Variants in BTBD1 observed in about 807,000 individuals in gnomAD.
The protein encoded by BTBD1 is BTB domain containing 1, also known as BTB/POZ domain-containing protein 1.
BTBD1 carries 34 observed loss-of-function variants against 48.0 expected under a neutral mutation model. The observed-to-expected ratio is 0.71, with a 90% confidence interval of 0.54 to 0.94. The LOEUF (loss-of-function observed/expected upper bound fraction) is 0.94. Ranked by LOEUF, BTBD1 falls within the 40% of genes least tolerant of loss-of-function variation. The pLI is 0.00. For synonymous variants in BTBD1, 261 were observed against 242.1 expected, an observed-to-expected ratio of 1.08 and a Z score of -0.72; for missense variants, 543 against 625.6, an observed-to-expected ratio of 0.87 and a Z score of 1.41.
intron 1 of BTBD1, 106 bp from the exon 2 acceptor site, chr15:83,056,651 G>T: frequency 1.0e-6 from 1 of 998,752 alleles, no homozygotes; most frequent in Non-Finnish European, 1.4e-6. Flanking sequence ...TTTATTTTAT[G>T]TTTTCATCCA....
chr15:83,065,213 G>C (rs1211487121), intron 1 of BTBD1, among the ~76,000 whole-genome samples: 2 of 152,192 alleles, frequency 1.3e-5, no homozygotes, highest in Non-Finnish European at 2.9e-5. Flanking sequence ...CTTACGTGTG[G>C]AAAGAAAATC....
intron 4 of BTBD1, among the ~76,000 whole-genome samples, chr15:83,036,069 A>T (rs1327964014): frequency 6.8e-6 from 1 of 146,842 alleles, no homozygotes; most frequent in Non-Finnish European, 1.5e-5. Flanking sequence ...AGTTCACTAT[A>T]TTCACAGAAT....
At chr15:83,044,815 T>C in intron 3 of BTBD1, 1 of 1,146,424 alleles carries the variant, frequency 8.7e-7, no homozygotes. Flanking sequence ...AATAGAATGA[T>C]CAAGCTCAGT....
chr15:83,043,325 G>A (rs192186695), intron 3 of BTBD1, among the ~76,000 whole-genome samples: 67 of 152,270 alleles, frequency 4.4e-4, no homozygotes, highest in African/African-American at 1.4e-3. Context: ...GGAGGCCAAC[G>A]TGGTGGAGTG....
At chr15:83,037,516 A>T (rs944689154) in intron 4 of BTBD1, among the ~76,000 whole-genome samples, 9 of 152,198 alleles carry the variant, frequency 5.9e-5, no homozygotes, top group African/African-American at 2.2e-4. Context: ...CCCTCAACAA[A>T]CTAGGCATCA....
intron 3 of BTBD1, among the ~76,000 whole-genome samples, chr15:83,047,166 T>C (rs867771099): frequency 3.9e-5 from 6 of 152,258 alleles, no homozygotes; most frequent in Middle Eastern, 3.4e-3. Flanking sequence ...TCAACATATA[T>C]ATACAGAGAC....
At chr15:83,064,943 C>T (rs1318814834) in intron 1 of BTBD1, among the ~76,000 whole-genome samples, 2 of 152,172 alleles carry the variant, frequency 1.3e-5, no homozygotes, top group African/African-American at 4.8e-5. Flanking sequence ...GTACTTTCAT[C>T]TCACTACTCC....
chr15:83,038,790 C>T (rs570439103), intron 4 of BTBD1, among the ~76,000 whole-genome samples: 1 of 152,184 alleles, frequency 6.6e-6, no homozygotes, highest in South Asian at 2.1e-4. Context: ...GGAAAGATCC[C>T]TCTATTCAGT....
intron 2 of BTBD1, among the ~76,000 whole-genome samples, chr15:83,054,654 C>T (rs1304737314): frequency 6.6e-6 from 1 of 151,612 alleles, no homozygotes; most frequent in African/African-American, 2.4e-5. Context: ...CTCTGCCTCC[C>T]GGGTTCAAGC....
At chr15:83,049,674 C>T (rs1368695321) in intron 3 of BTBD1, among the ~76,000 whole-genome samples, 1 of 151,722 alleles carries the variant, frequency 6.6e-6, no homozygotes, top group Admixed American at 6.6e-5. Context: ...TTTGCTGTAC[C>T]GACTATTTCA....
At position 83,016,679 on chromosome 15, in the gene BTBD1, G is replaced by A. The variant is rs1305449991; in HGVS notation, c.*1388C>T. 2.0e-5 allele frequency: 3 copies of A among 152,034 alleles called. No individual in the cohort carries two copies. Among genetic ancestry groups the A allele is most frequent in the Non-Finnish European group, 4.4e-5 (3 of 68,008 alleles). The allele number at this position is 152,034 out of a possible 1,614,324, so 9.4% of individuals were successfully genotyped here. A position where few individuals can be genotyped will look rare whatever the true frequency, so the allele number is the denominator to read the frequency against. On this transcript the variant is annotated 3_prime_UTR_variant, in exon 8 of 8. Coordinates refer to ENST00000261721, the MANE Select transcript of BTBD1 (RefSeq NM_025238.4). ...TTACTGGTTAATTTTTAGTTAACCA[G>A]AACCACACATCCCATAGATAATTCC...
At chr15:83,018,508 C>A (rs2032216541) in intron 7 of BTBD1, among the ~76,000 whole-genome samples, 199 bp downstream of exon 7, 1 of 152,240 alleles carries the variant, frequency 6.6e-6, no homozygotes, top group African/African-American at 2.4e-5. Context: ...AGGGCTACTT[C>A]TTAAGAAGAG....
intron 3 of BTBD1, among the ~76,000 whole-genome samples, chr15:83,048,133 G>A (rs1357694488): frequency 2.0e-5 from 3 of 152,168 alleles, no homozygotes; most frequent in Non-Finnish European, 4.4e-5. Flanking sequence ...GTAGAGCCAT[G>A]AGCACCTGCT....
rs113253261 is a variant in BTBD1 at position 83,051,877 on chromosome 15, T to TACACAC, written c.559-1705_559-1700dup. ...TTTATTAATTTTTTTTCCATATATA[T>TACACAC]ACACACACACACACACACACACACA... is the stretch of plus-strand genomic sequence containing the variant. On this transcript the variant is annotated intron_variant, in intron 2 of 7. Coordinates refer to ENST00000261721, the MANE Select transcript of BTBD1 (RefSeq NM_025238.4). Among the ~76,000 whole-genome samples, 75 of 138,892 alleles carry TACACAC rather than the reference T, an allele frequency of 5.4e-4. 1 individual carries two copies. In the East Asian group the frequency reaches 9.6e-3, roughly 18 times the overall value. The allele number at this position is 138,892 out of a possible 152,430, so 91.1% of individuals were successfully genotyped here.
Position 83,056,548 on chromosome 15 carries a change from G to T in BTBD1, c.402-3C>A. 1 of 1,612,376 alleles carries T rather than the reference G, an allele frequency of 6.2e-7. No homozygotes were observed. The highest frequency in any genetic ancestry group is 8.5e-7 in the Non-Finnish European group (1 of 1,178,946). On this transcript the variant is annotated splice_polypyrimidine_tract_variant and splice_region_variant and intron_variant, in intron 1 of 7. Transcript: ENST00000261721. Reference sequence around the variant, plus strand: ...GAACTTCATCTGAATATAGAAATCTGGAAAACAATTGGCATATTTGCAGAG... The same window carrying T: ...GAACTTCATCTGAATATAGAAATCTTGAAAACAATTGGCATATTTGCAGAG...
intron 3 of BTBD1, among the ~76,000 whole-genome samples, chr15:83,046,935 T>C (rs1347423655): frequency 6.6e-6 from 1 of 152,150 alleles, no homozygotes; most frequent in Non-Finnish European, 1.5e-5. Context: ...ATGAGTCATA[T>C]GGAAGTGTTA....
intron 4 of BTBD1, among the ~76,000 whole-genome samples, chr15:83,031,743 G>C (rs1029261155): frequency 6.6e-6 from 1 of 151,664 alleles, no homozygotes; most frequent in Admixed American, 6.6e-5. Flanking sequence ...AAACCTGCAC[G>C]TTGTGCACAT....
At chr15:83,053,346 C>A (rs2033027542) in intron 2 of BTBD1, among the ~76,000 whole-genome samples, 1 of 150,822 alleles carries the variant, frequency 6.6e-6, no homozygotes, top group Non-Finnish European at 1.5e-5. Context: ...ATTCACATGA[C>A]CCCACCAGTG....
At chr15:83,050,430 TTGTGTGTG>T (rs71927319) in intron 2 of BTBD1, among the ~76,000 whole-genome samples, 47 of 146,248 alleles carry the variant, frequency 3.2e-4, no homozygotes, top group Middle Eastern at 3.4e-3. Context: ...TTTTATGTGC[TTGTGTGTG>T]TGTGTGTGTG....
Sources: allele counts gnomAD v4.1 joint callset (sites outside exome capture counted in the v4.1 genomes callset), GRCh38; gene constraint gnomAD v4.1.1; transcripts MANE v1.5; gene names NCBI Gene and HGNC (gene_info 2026-07-23, HGNC 2026-07-21).